Variants in PTPRT observed in about 807,000 individuals in gnomAD.
The protein encoded by PTPRT is protein tyrosine phosphatase receptor type T.
A neutral mutation model predicts 176.8 loss-of-function variants in PTPRT; 56 were observed. That is an observed-to-expected ratio of 0.32 (90% CI 0.26 to 0.40). The LOEUF is 0.40. PTPRT is among the 10% of genes least tolerant of loss of function. The pLI, the probability that PTPRT is intolerant of heterozygous loss-of-function variation, is 1.00. For synonymous variants in PTPRT, 783 were observed against 739.0 expected (o/e 1.06, Z -0.96); for missense variants, 1,540 against 1,908.2 (o/e 0.81, Z 3.60).
chr20:43,069,861 G>C (rs2011157429), intron 1 of PTPRT, among the ~76,000 whole-genome samples: 1 of 152,168 alleles, frequency 6.6e-6, no homozygotes, highest in African/African-American at 2.4e-5. Context: ...CAGCCTTCCT[G>C]TGATTTATAC....
At chr20:42,526,953 T>G (rs1224280281) in intron 7 of PTPRT, among the ~76,000 whole-genome samples, 2 of 146,960 alleles carry the variant, frequency 1.4e-5, no homozygotes, top group African/African-American at 5.1e-5. Flanking sequence ...TTGGTTCTTT[T>G]TTCTTTTTTT....
intron 17 of PTPRT, among the ~76,000 whole-genome samples, chr20:42,150,316 C>T (rs919652241): frequency 2.0e-5 from 3 of 152,210 alleles, no homozygotes; most frequent in Non-Finnish European, 4.4e-5. Context: ...CCCCTTCACT[C>T]TCCTTTGCTT....
At chr20:42,634,057 A>AATATATAATAT (rs1457278701) in intron 7 of PTPRT, among the ~76,000 whole-genome samples, 2 of 30,620 alleles carry the variant, frequency 6.5e-5, no homozygotes, top group Admixed American at 6.1e-4. Flanking sequence ...ATATATTATA[A>AATATATAATAT]ATATATAATA....
intron 1 of PTPRT, among the ~76,000 whole-genome samples, chr20:43,044,401 A>C (rs544960081): frequency 2.6e-5 from 4 of 152,160 alleles, no homozygotes; most frequent in Non-Finnish European, 5.9e-5. Context: ...GAAGACTTGC[A>C]CAGTGGAGAG....
intron 5 of PTPRT, among the ~76,000 whole-genome samples, chr20:42,758,981 A>C (rs776036899): frequency 6.6e-6 from 1 of 152,222 alleles, no homozygotes; most frequent in Non-Finnish European, 1.5e-5. Context: ...CCTAGGAGAC[A>C]CCACATGCAA....
chr20:42,220,692 T>C (rs1443268793), intron 15 of PTPRT, among the ~76,000 whole-genome samples: 1 of 152,340 alleles, frequency 6.6e-6, no homozygotes, highest in East Asian at 1.9e-4. Context: ...TAAAGTTTTT[T>C]ATGTATGTCT....
chr20:42,704,880 A>G (rs2076028342), intron 6 of PTPRT, among the ~76,000 whole-genome samples: 1 of 152,094 alleles, frequency 6.6e-6, no homozygotes, highest in Non-Finnish European at 1.5e-5. Context: ...TTGTTGTCAT[A>G]CTTCAAATCA....
intron 15 of PTPRT, among the ~76,000 whole-genome samples, chr20:42,230,707 AG>A (rs1434784001): frequency 2.0e-5 from 3 of 152,264 alleles, no homozygotes; most frequent in East Asian, 3.9e-4. Flanking sequence ...TGAGGCTCAG[AG>A]TGTTTCTATG....
intron 7 of PTPRT, among the ~76,000 whole-genome samples, chr20:42,598,498 AG>A (rs1349881538): frequency 6.6e-6 from 1 of 152,182 alleles, no homozygotes; most frequent in Non-Finnish European, 1.5e-5. Flanking sequence ...AATATAGATG[AG>A]AAGAAGAAAA....
At chr20:42,381,661 T>G (rs1400552994) in intron 9 of PTPRT, among the ~76,000 whole-genome samples, 1 of 147,136 alleles carries the variant, frequency 6.8e-6, no homozygotes, top group Non-Finnish European at 1.5e-5. Flanking sequence ...GAAGGAGGAG[T>G]GGAAGAAAAG....
chr20:42,503,097 A>T lies in PTPRT; in HGVS notation c.1154-30535T>A, dbSNP rs2071781392. ...GCCAACTTTTTTTCTGGAGAGAAAA[A>T]AGGAGTTTGGTGTGTTTTTTTATGC... On this transcript the variant is annotated intron_variant, in intron 7 of 30. Coordinates refer to ENST00000373187, the MANE Select transcript of PTPRT (RefSeq NM_007050.6). 2.0e-5 allele frequency among the ~76,000 whole-genome samples: 3 copies of T among 151,960 alleles called. No homozygotes were observed. In the South Asian group the frequency reaches 6.2e-4, roughly 32 times the overall value.
At chr20:42,345,865 C>T (rs562967952) in intron 11 of PTPRT, among the ~76,000 whole-genome samples, 6 of 152,162 alleles carry the variant, frequency 3.9e-5, no homozygotes, top group Middle Eastern at 3.4e-3. Flanking sequence ...GAAAGGAAAC[C>T]GGAAACAAGG....
chr20:42,807,000 C>G (rs2077619629), intron 2 of PTPRT, among the ~76,000 whole-genome samples: 1 of 152,170 alleles, frequency 6.6e-6, no homozygotes, highest in Admixed American at 6.5e-5. Flanking sequence ...ACGACACCTT[C>G]CAAGATGCAA....
intron 5 of PTPRT, among the ~76,000 whole-genome samples, chr20:42,761,848 G>A (rs1024509350): frequency 6.6e-6 from 1 of 152,180 alleles, no homozygotes; most frequent in Non-Finnish European, 1.5e-5. Flanking sequence ...GTTAGGATTG[G>A]ACCCAGGTGA....
the PTPRT span, among the ~76,000 whole-genome samples, chr20:42,065,809 C>T: frequency 9.1e-4 from 138 of 152,268 alleles, no homozygotes; most frequent in African/African-American, 3.2e-3. Flanking sequence ...TACTGGTGAA[C>T]TCTAGTAATA....
rs559176849 is a variant in PTPRT, at chr20:42,437,281, G to T, written c.1560+10939C>A. The stretch of plus-strand genomic sequence containing the variant: ...TTAATCTCATTTTGGGCACCCAAGT[G>T]ATAGTTCATAGCAGAAAGAGCTTTT... On this transcript the variant is annotated intron_variant, in intron 9 of 30. Transcript: ENST00000373187. Among the ~76,000 whole-genome samples, 5 of 152,304 alleles carry T rather than the reference G, an allele frequency of 3.3e-5. No homozygotes were observed. The South Asian group carries it at 1.0e-3, about 32-fold the overall frequency.
chr20:42,539,327 C>T (rs1335901017), intron 7 of PTPRT, among the ~76,000 whole-genome samples: 2 of 147,914 alleles, frequency 1.4e-5, no homozygotes, highest in African/African-American at 5.0e-5. Flanking sequence ...TGTTTCTGAT[C>T]TTGGTGAATT....
chr20:42,515,788 T>C (rs6065502), intron 7 of PTPRT, among the ~76,000 whole-genome samples: 18,499 of 151,598 alleles, frequency 0.12, 1,206 homozygotes, highest in East Asian at 0.2. Flanking sequence ...CATGCTGCTA[T>C]AAAGACACAT....
At chr20:42,162,881 A>G (rs1989665685) in intron 16 of PTPRT, among the ~76,000 whole-genome samples, 1 of 152,238 alleles carries the variant, frequency 6.6e-6, no homozygotes, top group Non-Finnish European at 1.5e-5. Context: ...CGGCAGCAGC[A>G]TCGGCAAGCC....
Sources: gnomAD v4.1 joint callset for allele counts (sites outside exome capture counted in the v4.1 genomes callset) on GRCh38, gnomAD v4.1.1 for gene constraint, MANE v1.5 for transcripts, NCBI Gene and HGNC (gene_info 2026-07-23, HGNC 2026-07-21) for gene names.